Variants in KIAA0825 observed in about 807,000 individuals in gnomAD.
KIAA0825 encodes the protein uncharacterized protein KIAA0825.
In KIAA0825, 119 loss-of-function variants were observed where a neutral mutation model predicts 147.6. That is an observed-to-expected ratio of 0.81 (90% confidence interval 0.69 to 0.94). KIAA0825 has a LOEUF of 0.94. Among genes scored for constraint, KIAA0825 ranks in the 40% least tolerant of loss-of-function variants. The pLI is 0.00. For synonymous variants in KIAA0825, 470 were observed against 518.1 expected (o/e 0.91, Z 1.26); for missense variants, 1,381 against 1,472.7 (o/e 0.94, Z 1.02).
intron 20 of KIAA0825, among the ~76,000 whole-genome samples, chr5:94,197,520 G>A (rs1771246821): frequency 6.6e-6 from 1 of 152,060 alleles, no homozygotes; most frequent in Admixed American, 6.6e-5. Flanking sequence ...AATTGCTTTT[G>A]GGGACTTCAT....
chr5:94,246,431 T>C (rs187070956), intron 20 of KIAA0825, among the ~76,000 whole-genome samples: 1 of 152,170 alleles, frequency 6.6e-6, no homozygotes, highest in Non-Finnish European at 1.5e-5. Context: ...TCTCTTTAAT[T>C]TACCACACCG....
chr5:94,462,500 T>G lies in KIAA0825; in HGVS notation c.2133A>C (p.Lys711Asn), dbSNP rs1169821120. The G allele has an allele frequency of 6.5e-6, 10 of 1,546,130 alleles. No homozygotes were observed. Among genetic ancestry groups the G allele is most frequent in the Non-Finnish European group, 7.9e-6 (9 of 1,143,778 alleles). The change falls in exon 12 of 21, where the codon AAA becomes AAC. Residue 711 changes from lysine (K) to asparagine (N), a missense_variant. Lys to Asn is a moderately conservative substitution (Grantham distance 94). Transcript: ENST00000682413. ...CTGTATGCTGATGAGGATTCAAAAG[T>G]TTCTGTACAGATGTACAAACTGACC... ...MLWSVCTSVQ[K>N]LLNPHQHTDD... is the part of the protein sequence containing the mutation.
intron 20 of KIAA0825, among the ~76,000 whole-genome samples, chr5:94,243,469 T>C (rs1041031772): frequency 3.3e-5 from 5 of 152,342 alleles, no homozygotes; most frequent in Admixed American, 2.0e-4. Flanking sequence ...TTATAGGTAG[T>C]TGTTAAGATT....
intron 20 of KIAA0825, among the ~76,000 whole-genome samples, chr5:94,377,033 A>G (rs1212931465): frequency 2.6e-5 from 4 of 152,228 alleles, no homozygotes; most frequent in African/African-American, 9.6e-5. Flanking sequence ...TCTACACACC[A>G]CAGGGCACAC....
chr5:94,343,748 A>C (rs959052455), intron 20 of KIAA0825, among the ~76,000 whole-genome samples: 3 of 152,170 alleles, frequency 2.0e-5, no homozygotes, highest in Admixed American at 1.3e-4. Context: ...AGACATTTGC[A>C]ACAAAAAGTT....
chr5:94,333,251 G>A (rs1584148235), intron 20 of KIAA0825, among the ~76,000 whole-genome samples: 19 of 151,990 alleles, frequency 1.3e-4, no homozygotes, highest in Admixed American at 1.2e-3. Flanking sequence ...TTTGTCAATT[G>A]TGGCTTTTGT....
chr5:94,393,099 C>T (rs1230766606), intron 17 of KIAA0825, among the ~76,000 whole-genome samples: 1 of 152,140 alleles, frequency 6.6e-6, no homozygotes, highest in Non-Finnish European at 1.5e-5. Context: ...TCCTGTCCAT[C>T]ACTGTGCAGG....
At position 94,152,841 on chromosome 5, in the gene KIAA0825, AAAAAAAAAAAAAAAT is replaced by A. The variant is rs1562283911; in HGVS notation, c.*1151_*1165del. ...AAAATGAAAAAAAAAAAAAAAAAAA[AAAAAAAAAAAAAAAT>A]TATATATATATATATATATATATAT... On this transcript the variant is annotated 3_prime_UTR_variant, in exon 21 of 21. Transcript: ENST00000682413. 4.4e-4 allele frequency: 15 copies of A among 33,856 alleles called. No individual in the cohort carries two copies. Among genetic ancestry groups the A allele is most frequent in the Non-Finnish European group, 8.1e-4 (14 of 17,184 alleles). The allele number at this position is 33,856 out of a possible 1,614,324, so 2.1% of individuals were successfully genotyped here. A position where few individuals can be genotyped will look rare whatever the true frequency, so the allele number is the denominator to read the frequency against.
intron 20 of KIAA0825, among the ~76,000 whole-genome samples, chr5:94,187,411 T>G (rs1337266344): frequency 5.4e-5 from 8 of 149,350 alleles, no homozygotes; most frequent in African/African-American, 2.0e-4. Context: ...AGTTTTTTTT[T>G]TTTTTTTTTT....
intron 1 of KIAA0825, among the ~76,000 whole-genome samples, chr5:94,586,419 C>A (rs1053320640): frequency 2.2e-4 from 33 of 152,308 alleles, no homozygotes; most frequent in African/African-American, 7.0e-4. Flanking sequence ...CACCTCTATG[C>A]AAATAAACTA....
At chr5:94,300,802 T>C (rs1280887863) in intron 20 of KIAA0825, among the ~76,000 whole-genome samples, 2 of 152,188 alleles carry the variant, frequency 1.3e-5, no homozygotes, top group East Asian at 1.9e-4. Flanking sequence ...TTTTCTGTTA[T>C]AGATGCAAGT....
At chr5:94,310,925 C>T (rs553229758) in intron 20 of KIAA0825, among the ~76,000 whole-genome samples, 63 of 151,706 alleles carry the variant, frequency 4.2e-4, no homozygotes, top group African/African-American at 1.3e-3. Context: ...GCACTTAATA[C>T]GACTAACTAT....
intron 20 of KIAA0825, among the ~76,000 whole-genome samples, chr5:94,359,040 G>A (rs931346834): frequency 2.0e-5 from 3 of 152,116 alleles, no homozygotes; most frequent in African/African-American, 7.2e-5. Context: ...GATTTTGGCT[G>A]ATAAAAAATT....
intron 20 of KIAA0825, among the ~76,000 whole-genome samples, chr5:94,189,739 C>A (rs561141938): frequency 6.6e-5 from 10 of 152,246 alleles, no homozygotes; most frequent in Admixed American, 5.2e-4. Context: ...CCTCCCTTTT[C>A]AAAATTGTTT....
intron 20 of KIAA0825, among the ~76,000 whole-genome samples, chr5:94,365,667 T>C (rs1472519857): frequency 6.6e-6 from 1 of 152,220 alleles, no homozygotes; most frequent in East Asian, 1.9e-4. Context: ...CCTTGTTCAA[T>C]CCTAGATGTA....
At chr5:94,291,861 C>A (rs1021385352) in intron 20 of KIAA0825, among the ~76,000 whole-genome samples, 8 of 151,994 alleles carry the variant, frequency 5.3e-5, no homozygotes, top group African/African-American at 1.9e-4. Flanking sequence ...CTATTTTGTT[C>A]TTTTTGTAGC....
intron 3 of KIAA0825, among the ~76,000 whole-genome samples, chr5:94,525,262 G>A (rs1769051582): frequency 1.3e-5 from 2 of 151,780 alleles, no homozygotes; most frequent in Non-Finnish European, 3.0e-5. Flanking sequence ...GAAACCAAGC[G>A]CTCATTATTA....
intron 20 of KIAA0825, among the ~76,000 whole-genome samples, chr5:94,221,022 T>C (rs1398153870): frequency 1.3e-5 from 2 of 152,238 alleles, no homozygotes; most frequent in Admixed American, 1.3e-4. Flanking sequence ...TTTGATTGTT[T>C]CTCTAATTTT....
chr5:94,324,164 A>G (rs1780462126), intron 20 of KIAA0825, among the ~76,000 whole-genome samples: 1 of 152,042 alleles, frequency 6.6e-6, no homozygotes, highest in African/African-American at 2.4e-5. Flanking sequence ...AACAGGAGAC[A>G]GCAATGCTTA....
Sources: gnomAD v4.1 joint callset for allele counts (sites outside exome capture counted in the v4.1 genomes callset) on GRCh38, gnomAD v4.1.1 for gene constraint, MANE v1.5 for transcripts, NCBI Gene and HGNC (gene_info 2026-07-23, HGNC 2026-07-21) for gene names.